Variants in RASA2 observed in about 807,000 individuals in gnomAD.
RASA2 encodes ras GTPase-activating protein 2.
A neutral mutation model predicts 118.2 loss-of-function variants in RASA2; 155 were observed. The ratio of observed to expected loss-of-function variants is 1.31; its 90% CI spans 1.15 to 1.50. The LOEUF is 1.50. Among genes scored for constraint, RASA2 ranks in the 40% most tolerant of loss-of-function variants. The pLI, the probability that RASA2 is intolerant of heterozygous loss-of-function variation, is 0.00. For missense variants in RASA2, 1,016 were observed against 1,009.6 expected, an observed-to-expected ratio of 1.01 and a Z score of -0.09; for synonymous variants, 353 against 349.1, an observed-to-expected ratio of 1.01 and a Z score of -0.12.
chr3:141,594,005 G>A (rs2083325660), intron 19 of RASA2, among the ~76,000 whole-genome samples: 4 of 152,200 alleles, frequency 2.6e-5, no homozygotes, highest in Admixed American at 2.6e-4. Context: ...GTTGGAATTA[G>A]CAGACGTGAA....
intron 19 of RASA2, among the ~76,000 whole-genome samples, chr3:141,588,925 T>G (rs1049522017): frequency 6.6e-6 from 1 of 151,844 alleles, no homozygotes; most frequent in Admixed American, 6.6e-5. Context: ...CACTGCAACC[T>G]CTGCCTCCCG....
chr3:141,577,555 A>T (rs985941458), intron 15 of RASA2, among the ~76,000 whole-genome samples: 9 of 152,176 alleles, frequency 5.9e-5, no homozygotes, highest in Non-Finnish European at 1.0e-4. Flanking sequence ...CTAAGAAAGA[A>T]GGCTACAAGA....
At chr3:141,601,416 C>CAG (rs1376560562) in intron 19 of RASA2, among the ~76,000 whole-genome samples, 1 of 150,664 alleles carries the variant, frequency 6.6e-6, no homozygotes, top group Non-Finnish European at 1.5e-5. Context: ...GCCTGGGCAA[C>CAG]AGAGAGAGAC....
intron 17 of RASA2, among the ~76,000 whole-genome samples, chr3:141,584,304 C>G (rs1422605639): frequency 7.4e-6 from 1 of 135,918 alleles, no homozygotes; most frequent in Non-Finnish European, 1.5e-5. Flanking sequence ...GCGCTCCAGC[C>G]TGGGCGACAG....
intron 9 of RASA2, among the ~76,000 whole-genome samples, chr3:141,560,307 G>C (rs370191658): frequency 6.6e-6 from 1 of 152,108 alleles, no homozygotes; most frequent in South Asian, 2.1e-4. Flanking sequence ...GTAAGAAAAC[G>C]CTTGGTCACA....
At chr3:141,512,897 T>C (rs1049315084) in intron 2 of RASA2, among the ~76,000 whole-genome samples, 1 of 152,016 alleles carries the variant, frequency 6.6e-6, no homozygotes, top group Non-Finnish European at 1.5e-5. Context: ...ACCCCGTCTC[T>C]ACGAAAAATA....
chr3:141,569,156 ATTGAAGAATAAG>A (rs1405632471), intron 9 of RASA2, among the ~76,000 whole-genome samples: 1 of 152,184 alleles, frequency 6.6e-6, no homozygotes, highest in Non-Finnish European at 1.5e-5. Context: ...ATAATGAATT[ATTGAAGAATAAG>A]AATACAGTTA....
At chr3:141,533,925 C>T (rs1240210404) in intron 4 of RASA2, among the ~76,000 whole-genome samples, 2 of 152,092 alleles carry the variant, frequency 1.3e-5, no homozygotes, top group African/African-American at 2.4e-5. Context: ...ATTTTTCAGT[C>T]CTCATCTTAC....
At chr3:141,600,904 C>T (rs2083452791) in intron 19 of RASA2, among the ~76,000 whole-genome samples, 1 of 152,116 alleles carries the variant, frequency 6.6e-6, no homozygotes, top group African/African-American at 2.4e-5. Context: ...TAAAGACTTA[C>T]TGTAAAGCTG....
chr3:141,499,312 T>C (rs1035095905), intron 1 of RASA2, among the ~76,000 whole-genome samples: 11 of 152,204 alleles, frequency 7.2e-5, no homozygotes, highest in Admixed American at 3.3e-4. Flanking sequence ...TAATTGTACT[T>C]ATATATAGTT....
intron 3 of RASA2, among the ~76,000 whole-genome samples, chr3:141,517,779 G>A (rs1055596456): frequency 8.6e-5 from 13 of 151,962 alleles, no homozygotes; most frequent in South Asian, 8.3e-4. Context: ...ACAGCCTCCC[G>A]AATAGCTGGG....
intron 5 of RASA2, among the ~76,000 whole-genome samples, chr3:141,547,536 T>C (rs1229858231): frequency 2.0e-5 from 3 of 152,238 alleles, no homozygotes; most frequent in Non-Finnish European, 4.4e-5. Context: ...CTGATTTTTG[T>C]TGTGTTAATT....
At chr3:141,588,949 G>A (rs1182590626) in intron 19 of RASA2, among the ~76,000 whole-genome samples, 1 of 151,244 alleles carries the variant, frequency 6.6e-6, no homozygotes, top group African/African-American at 2.4e-5. Context: ...TCAAGCGATT[G>A]TCCTGCCTCA....
rs1338629011 is a variant in RASA2 at position 141,571,559 on chromosome 3, G to A, written c.1169+5G>A. ...ATTAGACTTGAAGGATACACAGTAA[G>A]AGTTATATTTTATTAAATGTTAATT... On this transcript the variant is annotated splice_donor_5th_base_variant and intron_variant, in intron 11 of 23. Coordinates refer to ENST00000286364, the MANE Select transcript of RASA2 (RefSeq NM_006506.5). The A allele has an allele frequency of 1.3e-6, 2 of 1,590,128 alleles. No individual in the cohort carries two copies. Among genetic ancestry groups the A allele is most frequent in the Non-Finnish European group, 1.7e-6 (2 of 1,169,884 alleles).
At chr3:141,502,428 G>C (rs1248801057) in intron 1 of RASA2, among the ~76,000 whole-genome samples, 1 of 152,078 alleles carries the variant, frequency 6.6e-6, no homozygotes, top group Non-Finnish European at 1.5e-5. Context: ...TAGGTTCTCT[G>C]TTTGATACTA....
In RASA2 at chr3:141,609,912, C is replaced by A; in HGVS notation, c.2365C>A (p.Gln789Lys). 6.2e-7 allele frequency: 1 copy of A among 1,601,052 alleles called. No homozygotes were observed. Among genetic ancestry groups the A allele is most frequent in the Non-Finnish European group, 8.5e-7 (1 of 1,174,874 alleles). ...AACTATTGCAGTCTATCAAGGACCA[C>A]AGAAAGAGCCTGATGATTATTCTAA... ...CGTIAVYQGP[Q>K]KEPDDYSNFV... is the part of the protein sequence containing the mutation. The change falls in exon 23 of 24, where the codon CAG becomes AAG. Residue 789 changes from glutamine to lysine, a missense_variant. Physicochemically the swap from Gln to Lys is moderately conservative, Grantham distance 53 (BLOSUM62 1). This residue lies in a region of RASA2 where 120 missense variants were observed against 173.2 expected (regional missense o/e 0.69). Coordinates refer to ENST00000286364, the MANE Select transcript of RASA2 (RefSeq NM_006506.5).
chr3:141,607,294 A>G (rs895907344), intron 19 of RASA2, among the ~76,000 whole-genome samples: 7 of 152,122 alleles, frequency 4.6e-5, no homozygotes, highest in Non-Finnish European at 8.8e-5. Flanking sequence ...CTGCTTACAT[A>G]GTAACTCCTC....
chr3:141,532,920 T>C (rs1156438662), intron 4 of RASA2, among the ~76,000 whole-genome samples: 1 of 152,144 alleles, frequency 6.6e-6, no homozygotes, highest in African/African-American at 2.4e-5. Flanking sequence ...TTCCCTTTCA[T>C]GAAGTGAATA....
chr3:141,557,992 T>C (rs1005567676), intron 7 of RASA2, among the ~76,000 whole-genome samples: 3 of 152,128 alleles, frequency 2.0e-5, no homozygotes, highest in Non-Finnish European at 4.4e-5. Flanking sequence ...ATATGAGTGA[T>C]AGTTATTGAC....
Sources: gnomAD v4.1 joint callset for allele counts (sites outside exome capture counted in the v4.1 genomes callset) on GRCh38, gnomAD v4.1.1 for gene constraint, gnomAD v4.1.1 regional missense constraint, MANE v1.5 for transcripts, NCBI Gene and HGNC (gene_info 2026-07-23, HGNC 2026-07-21) for gene names.